PCDH11X: variants seen among roughly 807,000 people sequenced by gnomAD.
PCDH11X encodes the protein protocadherin-11 X-linked.
In PCDH11X, 18 loss-of-function variants were observed where a neutral mutation model predicts 53.3. That is an observed-to-expected ratio of 0.34 (90% confidence interval 0.23 to 0.50). PCDH11X has a LOEUF of 0.50. Ranked by LOEUF, PCDH11X falls within the 20% of genes least tolerant of loss-of-function variation. The probability of loss-of-function intolerance (pLI) is 0.98; values close to 1 mark genes in which losing one functional copy is unlikely to be tolerated. For synonymous variants in PCDH11X, 279 were observed against 393.3 expected (o/e 0.71, Z 3.44); for missense variants, 570 against 1,032.4 (o/e 0.55, Z 6.14).
At chrX:92,606,796 T>C (rs972731924) in intron 10 of PCDH11X, among the ~76,000 whole-genome samples, 4 of 111,714 alleles carry the variant, frequency 3.6e-5, no homozygotes, top group Non-Finnish European at 7.5e-5. Context: ...ATTTAGACCA[T>C]AAAAAGAACT....
At chrX:92,065,444 T>C (rs1480746194) in intron 6 of PCDH11X, among the ~76,000 whole-genome samples, 27 of 111,476 alleles carry the variant, frequency 2.4e-4, no homozygotes, top group Non-Finnish European at 1.1e-4. Flanking sequence ...CTCCAAACTT[T>C]TCTTCATAGT....
intron 10 of PCDH11X, among the ~76,000 whole-genome samples, chrX:92,614,587 C>T (rs1457820545): frequency 9.2e-6 from 1 of 109,229 alleles, no homozygotes; most frequent in Non-Finnish European, 1.9e-5. Flanking sequence ...AGGCAATGGG[C>T]TGATCTGTGG....
chrX:92,400,424 T>C (rs1224305716), intron 9 of PCDH11X, among the ~76,000 whole-genome samples: 2 of 109,909 alleles, frequency 1.8e-5, no homozygotes, highest in Non-Finnish European at 3.8e-5. Flanking sequence ...ACAAAAAAGA[T>C]GCAGATAAGT....
chrX:92,219,312 C>A (rs2066807265), intron 7 of PCDH11X, among the ~76,000 whole-genome samples: 1 of 110,792 alleles, frequency 9.0e-6, no homozygotes, highest in Admixed American at 9.7e-5. Context: ...TGTCTCAGCC[C>A]AAAATCTCCT....
chrX:91,846,418 C>T (rs1475188365), intron 5 of PCDH11X, among the ~76,000 whole-genome samples: 6 of 110,053 alleles, frequency 5.5e-5, no homozygotes. Flanking sequence ...GAGATTGAGA[C>T]CATCCTGGCT....
intron 1 of PCDH11X, among the ~76,000 whole-genome samples, chrX:91,801,916 T>C (rs1324627735): frequency 8.9e-6 from 1 of 112,849 alleles, no homozygotes; most frequent in Non-Finnish European, 1.9e-5. Context: ...AACAATAAAA[T>C]CCTGACTGAT....
intron 9 of PCDH11X, among the ~76,000 whole-genome samples, chrX:92,446,770 C>T (rs1158448217): frequency 9.0e-6 from 1 of 111,411 alleles, no homozygotes; most frequent in Admixed American, 9.6e-5. Flanking sequence ...AGGTGACTTT[C>T]GAGCTGGGTA....
chrX:92,390,370 C>CGTGTGT (rs60286215), intron 9 of PCDH11X, among the ~76,000 whole-genome samples: 183 of 93,669 alleles, frequency 2.0e-3, no homozygotes, highest in Middle Eastern at 5.3e-3. Context: ...TAACATAGTA[C>CGTGTGT]GTGTGTGTGT....
chrX:92,570,131 A>C (rs1325515437), intron 10 of PCDH11X, among the ~76,000 whole-genome samples: 1 of 109,865 alleles, frequency 9.1e-6, no homozygotes, highest in Non-Finnish European at 1.9e-5. Flanking sequence ...GTAATCATTT[A>C]AATTTTGCAG....
chrX:92,154,957 A>AG (rs1382353902), intron 6 of PCDH11X, among the ~76,000 whole-genome samples: 1 of 109,067 alleles, frequency 9.2e-6, no homozygotes, highest in African/African-American at 3.3e-5. Flanking sequence ...ATGATAAGGA[A>AG]GGGGGTCTGC....
intron 8 of PCDH11X, among the ~76,000 whole-genome samples, chrX:92,292,604 A>G (rs921572226): frequency 9.0e-6 from 1 of 111,336 alleles, no homozygotes; most frequent in African/African-American, 3.3e-5. Flanking sequence ...AAGAAAAGTC[A>G]AAAAGAAAAC....
intron 10 of PCDH11X, among the ~76,000 whole-genome samples, chrX:92,616,688 C>A (rs186983960): frequency 5.4e-4 from 59 of 108,446 alleles, no homozygotes; most frequent in Admixed American, 2.4e-3. Context: ...TTTTTTTAAT[C>A]AAAATTGGTT....
intron 10 of PCDH11X, among the ~76,000 whole-genome samples, chrX:92,601,793 A>T (rs1198017031): frequency 9.1e-6 from 1 of 110,071 alleles, no homozygotes; most frequent in Non-Finnish European, 1.9e-5. Context: ...TAGTGTGACA[A>T]AAGCTTCATC....
At chrX:91,928,450 C>T (rs1424188481) in intron 6 of PCDH11X, among the ~76,000 whole-genome samples, 2 of 96,910 alleles carry the variant, frequency 2.1e-5, no homozygotes, top group African/African-American at 7.5e-5. Context: ...AAGAAACAAA[C>T]TTGGAGCCTA....
At chrX:92,069,502 T>C (rs2063665720) in intron 6 of PCDH11X, among the ~76,000 whole-genome samples, 1 of 110,932 alleles carries the variant, frequency 9.0e-6, no homozygotes, top group Non-Finnish European at 1.9e-5. Flanking sequence ...TACATACTCC[T>C]TCCATTTTGT....
chrX:92,197,152 A>C (rs1207971679), intron 6 of PCDH11X, among the ~76,000 whole-genome samples: 1 of 111,396 alleles, frequency 9.0e-6, no homozygotes, highest in East Asian at 2.8e-4. Flanking sequence ...CCACTGTTGC[A>C]CCATATTGTT....
intron 6 of PCDH11X, among the ~76,000 whole-genome samples, chrX:91,912,572 A>G (rs967233698): frequency 1.2e-4 from 13 of 110,847 alleles, no homozygotes; most frequent in African/African-American, 4.3e-4. Flanking sequence ...TATCACCTTA[A>G]TGATTTATGT....
chrX:92,572,297 G>A (rs1275560798), intron 10 of PCDH11X, among the ~76,000 whole-genome samples: 1 of 109,849 alleles, frequency 9.1e-6, no homozygotes, highest in Non-Finnish European at 1.9e-5. Flanking sequence ...TAATGGATGT[G>A]AGCAGCGGAA....
At chrX:92,554,413 T>A (rs1218732106) in intron 10 of PCDH11X, among the ~76,000 whole-genome samples, 2 of 108,503 alleles carry the variant, frequency 1.8e-5, no homozygotes, top group African/African-American at 6.7e-5. Flanking sequence ...TTATTATTTT[T>A]AAAAATTTTA....
Sources: allele counts gnomAD v4.1 joint callset (sites outside exome capture counted in the v4.1 genomes callset), GRCh38; gene constraint gnomAD v4.1.1; transcripts MANE v1.5; gene names NCBI Gene and HGNC (gene_info 2026-07-23, HGNC 2026-07-21).